S100A8: variants seen among roughly 807,000 people sequenced by gnomAD.
S100A8 encodes the protein S100 calcium binding protein A8.
A neutral mutation model predicts 4.2 loss-of-function variants in S100A8; 1 was observed. The ratio of observed to expected loss-of-function variants is 0.24; its 90% CI spans 0.08 to 1.12. S100A8 has a LOEUF of 1.12. Ranked by LOEUF, S100A8 falls within the 50% of genes most tolerant of loss-of-function variation. The pLI, the probability that S100A8 is intolerant of heterozygous loss-of-function variation, is 0.53. For synonymous variants in S100A8, 41 were observed against 44.7 expected, an observed-to-expected ratio of 0.92 and a Z score of 0.33; for missense variants, 96 against 111.8, an observed-to-expected ratio of 0.86 and a Z score of 0.64.
the S100A8 span, among the ~76,000 whole-genome samples, chr1:153,400,390 A>G: frequency 5.9e-5 from 9 of 151,980 alleles, no homozygotes; most frequent in Non-Finnish European, 5.9e-5. Flanking sequence ...ACTCACCCCA[A>G]CACAAGACTT....
rs372295825 is a variant in S100A8, at chr1:153,390,079, C to T, written c.*24G>A. On this transcript the variant is annotated 3_prime_UTR_variant, in exon 3 of 3. Transcript: ENST00000368733. ...TTCTGCAGGTACATGTCCAGGGGCC[C>T]AGCCTCTGGGCCCAGTAACTCAGCT... 1 of 1,599,370 alleles carries T rather than the reference C, an allele frequency of 6.3e-7. No individual in the cohort carries two copies. The highest frequency in any genetic ancestry group is 1.1e-5 in the South Asian group (1 of 90,038).
chr1:153,420,415 A>G, the S100A8 span: 13 of 152,176 alleles, frequency 8.5e-5, no homozygotes, highest in African/African-American at 3.1e-4. Context: ...ATGTGTCCCT[A>G]TCACTCTTAC....
At chr1:153,405,131 C>G in the S100A8 span, among the ~76,000 whole-genome samples, 584 of 152,034 alleles carry the variant, frequency 3.8e-3, 3 homozygotes, top group African/African-American at 0.013. Flanking sequence ...TTTACCTACA[C>G]GGCCCAGCCT....
At chr1:153,415,382 A>C in the S100A8 span, among the ~76,000 whole-genome samples, 1 of 152,148 alleles carries the variant, frequency 6.6e-6, no homozygotes, top group Non-Finnish European at 1.5e-5. Flanking sequence ...AGAGTGCTTA[A>C]AGGGCTGGCA....
At chr1:153,416,196 A>G in the S100A8 span, among the ~76,000 whole-genome samples, 1 of 152,164 alleles carries the variant, frequency 6.6e-6, no homozygotes, top group African/African-American at 2.4e-5. Flanking sequence ...TGCCTTTGGG[A>G]GTCTGAAACT....
the S100A8 span, among the ~76,000 whole-genome samples, chr1:153,400,811 A>T: frequency 6.6e-6 from 1 of 152,366 alleles, no homozygotes; most frequent in East Asian, 1.9e-4. Flanking sequence ...TATTTTAAAA[A>T]TCATCAGGAA....
the S100A8 span, among the ~76,000 whole-genome samples, chr1:153,400,696 A>C: frequency 3.3e-5 from 5 of 152,180 alleles, no homozygotes; most frequent in Admixed American, 2.0e-4. Flanking sequence ...ACATGGCTTG[A>C]ATTTCTCAGC....
chr1:153,390,806 C>T (rs1180998013), intron 1 of S100A8: 6 of 535,856 alleles, frequency 1.1e-5, no homozygotes, highest in Non-Finnish European at 1.8e-5. Context: ...TTCCTTACCA[C>T]CCCACCCTCT....
chr1:153,416,078 G>A, the S100A8 span, among the ~76,000 whole-genome samples: 1 of 152,212 alleles, frequency 6.6e-6, no homozygotes, highest in Non-Finnish European at 1.5e-5. Flanking sequence ...AGCAGCAGGT[G>A]TCTTGATGTC....
At position 153,390,235 on chromosome 1, in the gene S100A8, AC is replaced by A; in HGVS notation, c.149del (p.Gly50ValfsTer26). 1 of 1,610,332 alleles carries A rather than the reference AC, an allele frequency of 6.2e-7. No homozygotes were observed. The highest frequency in any genetic ancestry group is 8.5e-7 in the Non-Finnish European group (1 of 1,177,776). On this transcript the variant is annotated frameshift_variant, in exon 3 of 3. Transcript: ENST00000368733. LOFTEE classifies it low-confidence loss of function (END_TRUNC). The part of the protein sequence containing the change: ...TECPQYIRKK[G>X]ADVWFKELDI... ...CCAACTCTTTGAACCAGACGTCTGCACCCTTTTTCTGTCAAGATTGAGGAGG... is the reference window on the plus strand; with the variant it reads ...CCAACTCTTTGAACCAGACGTCTGCACCTTTTTCTGTCAAGATTGAGGAGG...
chr1:153,413,709 C>T, the S100A8 span, among the ~76,000 whole-genome samples: 21 of 152,078 alleles, frequency 1.4e-4, no homozygotes, highest in East Asian at 1.5e-3. Context: ...GAGACCAGCC[C>T]GGCCAACATG....
chr1:153,407,282 T>TTTC, the S100A8 span, among the ~76,000 whole-genome samples: 1 of 152,208 alleles, frequency 6.6e-6, no homozygotes. Flanking sequence ...TACTGTGCTT[T>TTTC]TTCAGTGGTC....
chr1:153,419,568 C>G, the S100A8 span: 57,459 of 473,224 alleles, frequency 0.12, 5,088 homozygotes, highest in African/African-American at 0.34. Context: ...GCCTCTGCAC[C>G]GTTCCCTAAA....
At chr1:153,420,850 C>T in the S100A8 span, 1 of 152,442 alleles carries the variant, frequency 6.6e-6, no homozygotes, top group African/African-American at 2.4e-5. Context: ...CCTCCATCAT[C>T]CACCCCAGAA....
chr1:153,418,872 G>C, the S100A8 span, among the ~76,000 whole-genome samples: 1 of 152,142 alleles, frequency 6.6e-6, no homozygotes, highest in Non-Finnish European at 1.5e-5. Context: ...TGGGGCAGGG[G>C]ACTGCTCTCC....
chr1:153,422,223 A>G, the S100A8 span: 1 of 152,336 alleles, frequency 6.6e-6, no homozygotes, highest in Non-Finnish European at 1.5e-5. Flanking sequence ...CATCTCCGCA[A>G]CCACAGCCCA....
At chr1:153,417,442 T>C in the S100A8 span, among the ~76,000 whole-genome samples, 1 of 152,124 alleles carries the variant, frequency 6.6e-6, no homozygotes, top group African/African-American at 2.4e-5. Context: ...AATTCTTGTT[T>C]CTCATTCCCA....
At chr1:153,390,685 G>T in intron 1 of S100A8, 128 bp from the exon 2 acceptor site, 1 of 1,171,586 alleles carries the variant, frequency 8.5e-7, no homozygotes, top group Non-Finnish European at 1.2e-6. Flanking sequence ...AACCAAACCA[G>T]CAGATGGCTA....
upstream of S100A8, among the ~76,000 whole-genome samples, chr1:153,393,684 A>G (rs1223111354): frequency 2.0e-5 from 3 of 152,206 alleles, no homozygotes; most frequent in African/African-American, 4.8e-5. Flanking sequence ...GTTAATACCT[A>G]TTATTCACCA....
Sources: gnomAD v4.1 joint callset for allele counts (sites outside exome capture counted in the v4.1 genomes callset) on GRCh38, gnomAD v4.1.1 for gene constraint, MANE v1.5 for transcripts, NCBI Gene and HGNC (gene_info 2026-07-23, HGNC 2026-07-21) for gene names.